The following DIAPH2 variants were observed in gnomAD, a reference collection of about 807,000 sequenced individuals.
DIAPH2 encodes the protein diaphanous related formin 2.
DIAPH2 carries 35 observed loss-of-function variants against 92.7 expected under a neutral mutation model. The ratio of observed to expected loss-of-function variants is 0.38; its 90% CI spans 0.29 to 0.50. The LOEUF (loss-of-function observed/expected upper bound fraction) is 0.50. Among genes scored for constraint, DIAPH2 ranks in the 20% least tolerant of loss-of-function variants. The pLI is 0.94. For synonymous variants in DIAPH2, 301 were observed against 280.4 expected, an observed-to-expected ratio of 1.07 and a Z score of -0.73; for missense variants, 701 against 819.5, an observed-to-expected ratio of 0.86 and a Z score of 1.77.
At chrX:96,988,510 T>C (rs995485548) in intron 17 of DIAPH2, among the ~76,000 whole-genome samples, 1 of 110,455 alleles carries the variant, frequency 9.1e-6, no homozygotes, top group Non-Finnish European at 1.9e-5. Flanking sequence ...AAGTATCTTA[T>C]TGTAGCCACT....
chrX:97,195,660 C>CAAA (rs35918745), intron 22 of DIAPH2, among the ~76,000 whole-genome samples: 2 of 52,597 alleles, frequency 3.8e-5, no homozygotes, highest in African/African-American at 1.6e-4. Flanking sequence ...GACTCCGTCT[C>CAAA]AAAAAAAAAA....
intron 25 of DIAPH2, among the ~76,000 whole-genome samples, chrX:97,411,087 C>T (rs778203598): frequency 9.0e-6 from 1 of 110,647 alleles, no homozygotes; most frequent in South Asian, 3.9e-4. Context: ...AAGAGCAACC[C>T]CAGGACACAT....
intron 26 of DIAPH2, among the ~76,000 whole-genome samples, chrX:97,457,251 G>A (rs1253253949): frequency 1.8e-5 from 2 of 111,865 alleles, no homozygotes; most frequent in Non-Finnish European, 3.8e-5. Flanking sequence ...CAACTCCTGA[G>A]CTCAAGTGAT....
chrX:96,850,963 A>G (rs2065002654), intron 4 of DIAPH2, among the ~76,000 whole-genome samples: 1 of 111,923 alleles, frequency 8.9e-6, no homozygotes. Flanking sequence ...TTTTGCCTAG[A>G]TCTTATCTTT....
intron 22 of DIAPH2, among the ~76,000 whole-genome samples, chrX:97,202,899 CT>C (rs2067764812): frequency 8.9e-6 from 1 of 111,966 alleles, no homozygotes. Context: ...AGCACTTATT[CT>C]AAAATGGACC....
intron 25 of DIAPH2, among the ~76,000 whole-genome samples, chrX:97,414,432 C>T (rs947762044): frequency 2.7e-5 from 3 of 110,827 alleles, no homozygotes; most frequent in African/African-American, 9.9e-5. Context: ...AGGTGGATCA[C>T]GAGTTCAGGA....
At chrX:97,115,388 T>G (rs1452660421) in intron 21 of DIAPH2, among the ~76,000 whole-genome samples, 1 of 109,597 alleles carries the variant, frequency 9.1e-6, no homozygotes, top group Non-Finnish European at 1.9e-5. Context: ...TTACAAAAAT[T>G]AGTGGGGCGC....
At chrX:96,697,770 A>G (rs1005551661) in intron 1 of DIAPH2, among the ~76,000 whole-genome samples, 3 of 111,393 alleles carry the variant, frequency 2.7e-5, no homozygotes, top group Non-Finnish European at 5.7e-5. Context: ...TTGAAGACCT[A>G]GTGGTTCTCT....
intron 17 of DIAPH2, among the ~76,000 whole-genome samples, chrX:97,016,054 C>T (rs949914928): frequency 1.1e-4 from 12 of 111,852 alleles, no homozygotes; most frequent in Middle Eastern, 9.2e-3. Flanking sequence ...TGGTATAGTA[C>T]GAATATATCC....
intron 26 of DIAPH2, among the ~76,000 whole-genome samples, chrX:97,478,227 C>A (rs1008556954): frequency 8.9e-6 from 1 of 111,991 alleles, no homozygotes; most frequent in African/African-American, 3.2e-5. Flanking sequence ...ATTTGTAATT[C>A]TTCTTGCTAG....
intron 5 of DIAPH2, among the ~76,000 whole-genome samples, chrX:96,907,041 A>G (rs2065438082): frequency 8.9e-6 from 1 of 112,141 alleles, no homozygotes; most frequent in Admixed American, 9.4e-5. Context: ...GTGACCACAA[A>G]TGTCAACTTG....
chrX:96,938,227 T>C (rs1161996331), intron 11 of DIAPH2, among the ~76,000 whole-genome samples: 2 of 111,761 alleles, frequency 1.8e-5, no homozygotes, highest in African/African-American at 6.5e-5. Context: ...TTTCCTTCAA[T>C]GCATCTATGA....
chrX:97,084,989 T>C (rs1419095678), intron 19 of DIAPH2, among the ~76,000 whole-genome samples: 3 of 112,122 alleles, frequency 2.7e-5, no homozygotes, highest in Non-Finnish European at 5.6e-5. Flanking sequence ...TGTTGTAAAA[T>C]TTAGCTTTCA....
chrX:97,528,498 G>A lies in DIAPH2; in HGVS notation c.3242-70755G>A, dbSNP rs190233577. On this transcript the variant is annotated intron_variant, in intron 26 of 26. Coordinates refer to ENST00000324765, the MANE Select transcript of DIAPH2 (RefSeq NM_006729.5). ...GCAGAAGGAGAAGGGGAGCTGGCAT[G>A]TGCAGAGACCAAATGACAAGAAAGA... The A allele has an allele frequency of 5.4e-5, 6 of 111,996 alleles. No homozygotes were observed. The East Asian group carries it at 1.7e-3, about 31-fold the overall frequency. 9.2% of individuals were successfully genotyped at this position (111,996 alleles called of 1,213,427 possible). A position where few individuals can be genotyped will look rare whatever the true frequency, so the allele number is the denominator to read the frequency against.
At chrX:97,269,280 A>G (rs2147582005) in intron 23 of DIAPH2, among the ~76,000 whole-genome samples, 1 of 111,883 alleles carries the variant, frequency 8.9e-6, no homozygotes, top group African/African-American at 3.2e-5. Flanking sequence ...CAATGGGATA[A>G]GTGGCACAAG....
At chrX:96,686,511 T>C (rs1357344606) in intron 1 of DIAPH2, among the ~76,000 whole-genome samples, 1 of 111,881 alleles carries the variant, frequency 8.9e-6, no homozygotes, top group East Asian at 2.8e-4. Flanking sequence ...GGTAACTAGA[T>C]AGTTATGAGA....
chrX:97,259,144 CATGAGTAGTCCCAGCT>C (rs1311584845), intron 23 of DIAPH2, among the ~76,000 whole-genome samples: 2 of 109,003 alleles, frequency 1.8e-5, no homozygotes, highest in African/African-American at 3.3e-5. Flanking sequence ...TGAGTAGTCC[CATGAGTAGTCCCAGCT>C]ATGAGTAGTC....
Position 97,155,975 on chromosome X carries a change from A to G in DIAPH2, c.2719+14181A>G, listed in dbSNP as rs899707048. ...CATGGGACAGATCAAATGTATAGGA[A>G]ACAAGTGGTTTGTGGTAATGATTGG... On this transcript the variant is annotated intron_variant, in intron 22 of 26. Coordinates refer to ENST00000324765, the MANE Select transcript of DIAPH2 (RefSeq NM_006729.5). Among the ~76,000 whole-genome samples the G allele has an allele frequency of 2.7e-5, 3 of 112,236 alleles. No individual in the cohort carries two copies. The Admixed American group carries it at 2.8e-4, about 11-fold the overall frequency.
intron 16 of DIAPH2, among the ~76,000 whole-genome samples, chrX:96,961,427 A>G (rs779693432): frequency 1.0e-5 from 1 of 95,837 alleles, no homozygotes; most frequent in African/African-American, 3.8e-5. Flanking sequence ...TTTCTTGGAT[A>G]ATCCAGCTAG....
Sources: allele counts gnomAD v4.1 joint callset (sites outside exome capture counted in the v4.1 genomes callset), GRCh38; gene constraint gnomAD v4.1.1; transcripts MANE v1.5; gene names NCBI Gene and HGNC (gene_info 2026-07-23, HGNC 2026-07-21).